The following CHST11 variants were observed in gnomAD, a reference collection of about 807,000 sequenced individuals.
CHST11 encodes carbohydrate sulfotransferase 11.
Under a neutral mutation model 30.4 loss-of-function variants are expected in CHST11, and 9 were observed. The observed-to-expected ratio is 0.30, with a 90% CI of 0.18 to 0.52. CHST11 has a LOEUF of 0.52. Among genes scored for constraint, CHST11 ranks in the 20% least tolerant of loss-of-function variants. CHST11 has a pLI of 0.97. For missense variants in CHST11, 348 were observed against 460.6 expected (o/e 0.76, Z 2.24); for synonymous variants, 152 against 187.8 (o/e 0.81, Z 1.56).
intron 2 of CHST11, among the ~76,000 whole-genome samples, chr12:104,714,987 C>T (rs1489021324): frequency 5.3e-5 from 8 of 152,224 alleles, no homozygotes; most frequent in Non-Finnish European, 7.3e-5. Context: ...AGAGCCCACT[C>T]GTGACCTGGA....
chr12:104,643,537 C>T lies in CHST11; in HGVS notation c.204+41546C>T, dbSNP rs140205763. 3.4e-4 allele frequency among the ~76,000 whole-genome samples: 52 copies of T among 152,260 alleles called. No homozygotes were observed. In the East Asian group the frequency reaches 9.8e-3, roughly 29 times the overall value. On this transcript the variant is annotated intron_variant, in intron 2 of 2. Coordinates refer to ENST00000303694, the MANE Select transcript of CHST11 (RefSeq NM_018413.6). ...GGGTAGCGTGTTTGTGTGGGATTAT[C>T]AGTAACAGATTTCTTCCAATATGCT...
At chr12:104,663,654 T>C (rs1028369887) in intron 2 of CHST11, among the ~76,000 whole-genome samples, 1 of 152,160 alleles carries the variant, frequency 6.6e-6, no homozygotes, top group Non-Finnish European at 1.5e-5. Flanking sequence ...CCAACCCTAA[T>C]TTAAAAAAAT....
At chr12:104,752,204 A>G (rs1260488757) in intron 2 of CHST11, among the ~76,000 whole-genome samples, 1 of 151,882 alleles carries the variant, frequency 6.6e-6, no homozygotes, top group African/African-American at 2.4e-5. Context: ...AGTCCTTGGC[A>G]TTTTTTGGCC....
At chr12:104,597,978 G>A (rs2038922969) in intron 1 of CHST11, among the ~76,000 whole-genome samples, 1 of 152,198 alleles carries the variant, frequency 6.6e-6, no homozygotes, top group South Asian at 2.1e-4. Context: ...ACCCTGCCAT[G>A]CCTCAGTATT....
intron 2 of CHST11, among the ~76,000 whole-genome samples, chr12:104,646,123 G>A (rs953952598): frequency 6.6e-6 from 1 of 152,194 alleles, no homozygotes; most frequent in Non-Finnish European, 1.5e-5. Context: ...TCCCCTACAG[G>A]GGAGAAGTTG....
intron 1 of CHST11, among the ~76,000 whole-genome samples, chr12:104,581,362 GT>G (rs1252950092): frequency 2.6e-5 from 4 of 152,198 alleles, no homozygotes; most frequent in African/African-American, 9.7e-5. Flanking sequence ...GTATATCTGT[GT>G]TTATGATTCA....
At chr12:104,635,362 G>A (rs1286368522) in intron 2 of CHST11, among the ~76,000 whole-genome samples, 1 of 152,184 alleles carries the variant, frequency 6.6e-6, no homozygotes, top group African/African-American at 2.4e-5. Flanking sequence ...CGCAAATGTT[G>A]CCTGGCCTTC....
At chr12:104,528,304 C>T (rs2038148529) in intron 1 of CHST11, among the ~76,000 whole-genome samples, 1 of 152,178 alleles carries the variant, frequency 6.6e-6, no homozygotes, top group Non-Finnish European at 1.5e-5. Flanking sequence ...ATGGCATAGC[C>T]CAGCTGTGAG....
intron 1 of CHST11, among the ~76,000 whole-genome samples, chr12:104,596,465 A>C (rs976563360): frequency 6.6e-6 from 1 of 152,208 alleles, no homozygotes; most frequent in African/African-American, 2.4e-5. Context: ...GGGAAGTGAC[A>C]GTCCAAAAAT....
chr12:104,674,023 C>G (rs2039718667), intron 2 of CHST11, among the ~76,000 whole-genome samples: 1 of 152,214 alleles, frequency 6.6e-6, no homozygotes. Context: ...ATGGCCTGCA[C>G]TTAGTTTTAG....
intron 2 of CHST11, among the ~76,000 whole-genome samples, chr12:104,756,532 G>GGGGT (rs1555250374): frequency 1.3e-4 from 19 of 143,398 alleles, no homozygotes; most frequent in African/African-American, 4.2e-4. Context: ...ATCCATGTGG[G>GGGGT]GTGTGTGTGT....
intron 1 of CHST11, among the ~76,000 whole-genome samples, chr12:104,481,716 G>A (rs1390440668): frequency 2.6e-5 from 4 of 152,034 alleles, no homozygotes; most frequent in East Asian, 1.9e-4. Flanking sequence ...GTATTTACTC[G>A]TCTATGACTT....
intron 2 of CHST11, among the ~76,000 whole-genome samples, chr12:104,673,346 G>A (rs1348727517): frequency 6.6e-6 from 1 of 152,080 alleles, no homozygotes; most frequent in Non-Finnish European, 1.5e-5. Flanking sequence ...TTTGTTACAT[G>A]GATTAACACT....
chr12:104,566,404 C>T (rs1385457085), intron 1 of CHST11, among the ~76,000 whole-genome samples: 1 of 152,252 alleles, frequency 6.6e-6, no homozygotes, highest in South Asian at 2.1e-4. Flanking sequence ...ATGAAAGCCA[C>T]TCATAATGGA....
At chr12:104,571,443 C>T (rs1396684599) in intron 1 of CHST11, among the ~76,000 whole-genome samples, 1 of 152,174 alleles carries the variant, frequency 6.6e-6, no homozygotes, top group Admixed American at 6.5e-5. Flanking sequence ...GATTACAGGT[C>T]TGAGTCCTGC....
chr12:104,465,962 C>T (rs555291408), intron 1 of CHST11, among the ~76,000 whole-genome samples: 16 of 151,952 alleles, frequency 1.1e-4, no homozygotes, highest in South Asian at 4.2e-4. Context: ...TGGGTTCAAG[C>T]GATTCTCCTG....
intron 2 of CHST11, among the ~76,000 whole-genome samples, chr12:104,608,379 T>C (rs1024736482): frequency 3.3e-5 from 5 of 152,146 alleles, no homozygotes; most frequent in Admixed American, 1.3e-4. Flanking sequence ...TGCACCCACC[T>C]ATCACCAGAC....
chr12:104,565,381 C>T (rs1810133), intron 1 of CHST11, among the ~76,000 whole-genome samples: 33,839 of 150,344 alleles, frequency 0.23, 4,500 homozygotes, highest in East Asian at 0.55. Flanking sequence ...ATTCTCCTGC[C>T]TCAGCCTCCC....
At chr12:104,574,599 T>C (rs1465657277) in intron 1 of CHST11, among the ~76,000 whole-genome samples, 2 of 151,778 alleles carry the variant, frequency 1.3e-5, no homozygotes, top group African/African-American at 2.4e-5. Context: ...CTCAGCAAAC[T>C]ATCGCAAGGA....
Sources: allele counts gnomAD v4.1 joint callset (sites outside exome capture counted in the v4.1 genomes callset), GRCh38; gene constraint gnomAD v4.1.1; transcripts MANE v1.5; gene names NCBI Gene and HGNC (gene_info 2026-07-23, HGNC 2026-07-21).